The following MYT1L variants were observed in gnomAD, a reference collection of about 807,000 sequenced individuals.
MYT1L encodes the protein myelin transcription factor 1 like.
A neutral mutation model predicts 126.7 loss-of-function variants in MYT1L; 12 were observed. That is an observed-to-expected ratio of 0.09 (90% CI 0.06 to 0.15). The LOEUF is 0.15. Among genes scored for constraint, MYT1L ranks in the 10% least tolerant of loss-of-function variants. MYT1L has a pLI of 1.00. For missense variants in MYT1L, 979 were observed against 1,585.2 expected, an observed-to-expected ratio of 0.62 and a Z score of 6.49; for synonymous variants, 541 against 604.2, an observed-to-expected ratio of 0.90 and a Z score of 1.53.
intron 1 of MYT1L, among the ~76,000 whole-genome samples, chr2:2,309,923 A>G (rs2095932671): frequency 6.6e-6 from 1 of 151,888 alleles, no homozygotes; most frequent in African/African-American, 2.4e-5. Flanking sequence ...AGTATACTGT[A>G]TCTATACTCC....
intron 8 of MYT1L, among the ~76,000 whole-genome samples, chr2:1,963,562 A>G (rs2059126270): frequency 6.6e-6 from 1 of 152,204 alleles, no homozygotes; most frequent in Admixed American, 6.5e-5. Context: ...TTTTGTCCAC[A>G]TTGAAGATCT....
chr2:1,918,060 G>C (rs958052657), intron 10 of MYT1L, among the ~76,000 whole-genome samples: 1 of 152,100 alleles, frequency 6.6e-6, no homozygotes, highest in African/African-American at 2.4e-5. Context: ...AAGGCTCGTA[G>C]AATGCCGTGC....
intron 4 of MYT1L, among the ~76,000 whole-genome samples, chr2:2,026,623 G>A (rs576395935): frequency 6.6e-6 from 1 of 152,336 alleles, no homozygotes; most frequent in South Asian, 2.1e-4. Flanking sequence ...CCGTGGTGGA[G>A]GTTGTTCTGC....
chr2:2,151,802 T>TC (rs1469517463), intron 3 of MYT1L, among the ~76,000 whole-genome samples: 1 of 152,174 alleles, frequency 6.6e-6, no homozygotes, highest in East Asian at 1.9e-4. Flanking sequence ...ATGCCTGTAA[T>TC]CCCAGCACTT....
intron 3 of MYT1L, among the ~76,000 whole-genome samples, chr2:2,117,464 C>T (rs1354130683): frequency 3.9e-5 from 6 of 151,988 alleles, no homozygotes; most frequent in African/African-American, 1.5e-4. Flanking sequence ...GCAGGCGGAC[C>T]GCCGTGTAGG....
intron 2 of MYT1L, among the ~76,000 whole-genome samples, chr2:2,198,731 G>A (rs1277696962): frequency 6.6e-6 from 1 of 152,018 alleles, no homozygotes; most frequent in African/African-American, 2.4e-5. Flanking sequence ...TGTGGTGTGT[G>A]CCTGTAATCC....
In MYT1L at chr2:1,889,589, A is replaced by C; in HGVS notation, c.2284-112T>G. On this transcript the variant is annotated intron_variant, in intron 15 of 24. Coordinates refer to ENST00000647738, the MANE Select transcript of MYT1L (RefSeq NM_001303052.2). The surrounding 1 kb of genome is among the most constrained non-coding windows in gnomAD (Gnocchi z 4.1). ...CAGCCAGTGTAGCGTTCAACACAGA[A>C]TCCCTCGCTGCTGTTTCCTTGGCCT... 2.6e-6 allele frequency: 2 copies of C among 773,752 alleles called. No homozygotes were observed. Among genetic ancestry groups the C allele is most frequent in the Non-Finnish European group, 2.0e-6 (1 of 510,024 alleles). The allele number at this position is 773,752 out of a possible 1,614,324, so 47.9% of individuals were successfully genotyped here.
At chr2:1,960,385 C>T (rs2058864360) in intron 8 of MYT1L, among the ~76,000 whole-genome samples, 1 of 152,226 alleles carries the variant, frequency 6.6e-6, no homozygotes, top group African/African-American at 2.4e-5. Flanking sequence ...CCAGGCCCTA[C>T]TTCTAGCTAA....
chr2:1,972,797 G>A (rs146147751), intron 8 of MYT1L, among the ~76,000 whole-genome samples: 3 of 152,312 alleles, frequency 2.0e-5, no homozygotes, highest in East Asian at 1.9e-4. Flanking sequence ...GGTGTGTGCC[G>A]CAAGCCAGAG....
chr2:2,280,235 C>T (rs1396265299), intron 2 of MYT1L, among the ~76,000 whole-genome samples: 1 of 152,176 alleles, frequency 6.6e-6, no homozygotes, highest in Non-Finnish European at 1.5e-5. Flanking sequence ...CAAATTAGGT[C>T]ATTTTAATGA....
At chr2:2,039,942 A>T (rs2067338740) in intron 4 of MYT1L, among the ~76,000 whole-genome samples, 1 of 152,190 alleles carries the variant, frequency 6.6e-6, no homozygotes, top group African/African-American at 2.4e-5. Flanking sequence ...GAACACAGAC[A>T]TGACAAACAG....
In MYT1L at chr2:1,811,892, G is replaced by A. The variant is rs1294037353; in HGVS notation, c.3081-2725C>T. ...TCCCAGCAGGACGCCCTGCAAATCC[G>A]GCTGGGGTGGGGGCTGACACTTCTG... On this transcript the variant is annotated intron_variant, in intron 21 of 24. Coordinates refer to ENST00000647738, the MANE Select transcript of MYT1L (RefSeq NM_001303052.2). This position sits in a 1 kb window ranked among gnomAD's most constrained non-coding sequence, Gnocchi z 4.4. 2.6e-5 allele frequency among the ~76,000 whole-genome samples: 4 copies of A among 152,174 alleles called. No homozygotes were observed. Among genetic ancestry groups the A allele is most frequent in the Admixed American group, 6.5e-5 (1 of 15,288 alleles).
chr2:1,885,958 G>A (rs1192304988), intron 18 of MYT1L, among the ~76,000 whole-genome samples: 2 of 152,186 alleles, frequency 1.3e-5, no homozygotes, highest in East Asian at 1.9e-4. Flanking sequence ...CCAGATTTAT[G>A]CTTAAAAATT....
chr2:2,058,794 C>T (rs543431960), intron 3 of MYT1L, among the ~76,000 whole-genome samples: 141 of 152,280 alleles, frequency 9.3e-4, no homozygotes, highest in African/African-American at 3.1e-3. Flanking sequence ...GAGGACAGTT[C>T]AGGTATGATT....
At chr2:1,864,280 C>A (rs2045145603) in intron 18 of MYT1L, among the ~76,000 whole-genome samples, 1 of 152,148 alleles carries the variant, frequency 6.6e-6, no homozygotes, top group African/African-American at 2.4e-5. Context: ...CCCAGCAGAC[C>A]TGGCAGGTCC....
chr2:2,255,873 T>C (rs963627836), intron 2 of MYT1L, among the ~76,000 whole-genome samples: 2 of 152,140 alleles, frequency 1.3e-5, no homozygotes, highest in African/African-American at 4.8e-5. Context: ...TTATACCTAT[T>C]AGGGGCCAGT....
intron 2 of MYT1L, among the ~76,000 whole-genome samples, chr2:2,213,962 A>T (rs1362070219): frequency 6.6e-6 from 1 of 152,220 alleles, no homozygotes; most frequent in Non-Finnish European, 1.5e-5. Context: ...TATTTTATAT[A>T]TTCAAAGAGT....
rs547248364 is a variant in MYT1L at position 1,844,895 on chromosome 2, T to C, written c.2775-4052A>G. Among the ~76,000 whole-genome samples the C allele has an allele frequency of 1.1e-4, 17 of 152,110 alleles. 1 individual carries two copies. The highest frequency in any genetic ancestry group is 3.4e-3 in the Middle Eastern group (1 of 292). Reference sequence around the variant, plus strand: ...GGAGGGAGGGGAGCAATCCCTCCTTTCCTGGGCATTGGAGCTACAGCTCCA... The same window carrying C: ...GGAGGGAGGGGAGCAATCCCTCCTTCCCTGGGCATTGGAGCTACAGCTCCA... On this transcript the variant is annotated intron_variant, in intron 19 of 24. Transcript: ENST00000647738.
chr2:2,143,370 G>A (rs897582219), intron 3 of MYT1L, among the ~76,000 whole-genome samples: 2 of 151,962 alleles, frequency 1.3e-5, no homozygotes, highest in African/African-American at 2.4e-5. Flanking sequence ...AGGAACTGAC[G>A]GAGGAGGCTG....
Sources: allele counts gnomAD v4.1 joint callset (sites outside exome capture counted in the v4.1 genomes callset), GRCh38; gene constraint gnomAD v4.1.1; non-coding constraint Gnocchi (gnomAD v3.1); transcripts MANE v1.5; gene names NCBI Gene and HGNC (gene_info 2026-07-23, HGNC 2026-07-21).